Variants in CKAP5 observed in about 807,000 individuals in gnomAD.
CKAP5 encodes the protein cytoskeleton-associated protein 5.
CKAP5 carries 27 observed loss-of-function variants against 232.8 expected under a neutral mutation model. The observed-to-expected ratio is 0.12, with a 90% confidence interval of 0.09 to 0.16. The LOEUF (loss-of-function observed/expected upper bound fraction) is 0.16. CKAP5 is among the 10% of genes least tolerant of loss of function. CKAP5 has a pLI of 1.00. For missense variants in CKAP5, 1,838 were observed against 2,424.7 expected, an observed-to-expected ratio of 0.76 and a Z score of 5.08; for synonymous variants, 785 against 841.1, an observed-to-expected ratio of 0.93 and a Z score of 1.16.
At chr11:46,744,341 C>G (rs753977378) in intron 43 of CKAP5, 76 bp from the exon 44 acceptor site, 45 of 1,612,398 alleles carry the variant, frequency 2.8e-5, no homozygotes, top group Middle Eastern at 1.6e-4. Context: ...TACAGCAAGA[C>G]TAAGCCACTT....
chr11:46,744,206 G>A lies in CKAP5; in HGVS notation c.5916C>T (p.Ala1972=). ...TGCTGTGGAGCATGTCTGTGGAAGA[G>A]GCGACAGTAGGAACTGCTGGTTTGG... ...LLSKPAVPTV[A]SSTDMLHSKL... is the part of the protein sequence containing the mutation. The change falls in exon 44 of 44, where the codon GCC becomes GCT. Residue 1972 remains alanine (A), a synonymous_variant. Coordinates refer to ENST00000529230, the MANE Select transcript of CKAP5 (RefSeq NM_001008938.4). 6.2e-7 allele frequency: 1 copy of A among 1,614,148 alleles called. No individual in the cohort carries two copies. The highest frequency in any genetic ancestry group is 8.5e-7 in the Non-Finnish European group (1 of 1,180,030).
In CKAP5 at chr11:46,790,571, G is replaced by T; in HGVS notation, c.1663C>A (p.Pro555Thr). 6.2e-7 allele frequency: 1 copy of T among 1,612,516 alleles called. No individual in the cohort carries two copies. Among genetic ancestry groups the T allele is most frequent in the Non-Finnish European group, 8.5e-7 (1 of 1,178,822 alleles). Residue 555 changes from proline to threonine, a missense_variant, in exon 14 of 44, where the codon CCA becomes ACA. Pro to Thr is a conservative substitution (Grantham distance 38). Around this residue, in one of 6 missense-constraint regions of CKAP5, gnomAD observed 767 missense variants for 954.6 expected, o/e 0.80. Transcript: ENST00000529230. ...GGTGCAGCTGGTTTCCCCTTTTTTG[G>T]TGGCCCACCAGCCTAAAAACAATTT... ...KAPAAKAGGP[P>T]KKGKPAAPGG...
At chr11:46,808,473 G>A (rs1351333015) in intron 7 of CKAP5, among the ~76,000 whole-genome samples, 1 of 152,142 alleles carries the variant, frequency 6.6e-6, no homozygotes, top group Non-Finnish European at 1.5e-5. Flanking sequence ...CCCGGGAGGC[G>A]GAGCTTGCAG....
intron 42 of CKAP5, 130 bp from the exon 43 acceptor site, chr11:46,744,707 A>G: frequency 1.2e-6 from 1 of 821,550 alleles, no homozygotes; most frequent in Non-Finnish European, 1.9e-6. Flanking sequence ...TTCCACAAGA[A>G]TCTACCTGGA....
chr11:46,745,583 G>A (rs1051130491), intron 42 of CKAP5, among the ~76,000 whole-genome samples: 7 of 152,136 alleles, frequency 4.6e-5, no homozygotes, highest in Non-Finnish European at 1.0e-4. Context: ...TTTACATGTG[G>A]CATACTGTTG....
chr11:46,846,035 G>C lies in CKAP5; in HGVS notation c.-38+185C>G, dbSNP rs1481805152. Among the ~76,000 whole-genome samples, 4 of 151,476 alleles carry C rather than the reference G, an allele frequency of 2.6e-5. No homozygotes were observed. The East Asian group carries it at 7.8e-4, about 30-fold the overall frequency. On this transcript the variant is annotated intron_variant, in intron 1 of 43. Transcript: ENST00000529230. ...GCCGCACACGAGCGCCCACGCCCCC[G>C]GCCCTGCCCGCCGCAGGTCCCCCGG...
intron 33 of CKAP5, among the ~76,000 whole-genome samples, chr11:46,760,114 T>C (rs551428745): frequency 6.6e-6 from 1 of 152,320 alleles, no homozygotes; most frequent in South Asian, 2.1e-4. Flanking sequence ...TAATTAGCCT[T>C]ATCTCAAGAA....
At chr11:46,746,018 C>CA (rs1218517737) in intron 42 of CKAP5, among the ~76,000 whole-genome samples, 2 of 151,920 alleles carry the variant, frequency 1.3e-5, no homozygotes, top group Admixed American at 6.6e-5. Context: ...GTGTCAAAAA[C>CA]AAAAAAGAAC....
intron 1 of CKAP5, among the ~76,000 whole-genome samples, chr11:46,837,082 G>A (rs368394547): frequency 6.6e-6 from 1 of 152,190 alleles, no homozygotes; most frequent in Non-Finnish European, 1.5e-5. Context: ...AAAAGGAACT[G>A]CACAGAAGTA....
intron 42 of CKAP5, 130 bp downstream of exon 42, chr11:46,750,144 A>C: frequency 1.2e-6 from 1 of 824,336 alleles, no homozygotes; most frequent in Non-Finnish European, 1.9e-6. Context: ...GGATATAGCA[A>C]TGGGAAGGCC....
rs952694008 is a variant in CKAP5, at chr11:46,784,479, G to A, written c.2154+9C>T. 1.9e-6 allele frequency: 3 copies of A among 1,600,622 alleles called. No individual in the cohort carries two copies. In the African/African-American group the frequency reaches 4.0e-5, roughly 21 times the overall value. ...AAAACTAGAGGAATAAGACTTCTGT[G>A]TCACTAACCTGTTCAGCAGTCCATG... is the stretch of plus-strand genomic sequence containing the variant. On this transcript the variant is annotated intron_variant, in intron 17 of 43. Transcript: ENST00000529230.
chr11:46,770,889 C>T lies in CKAP5; in HGVS notation c.3085G>A (p.Asp1029Asn). Reference protein sequence around the residue: ...CVPHLYSCLEDRNGDVRKKAQ... With the variant: ...CVPHLYSCLENRNGDVRKKAQ... ...TTCTTTCGCACATCTCCATTTCGATCTTCTAGGCAGGAGTAGAGATGAGGA... is the reference window on the plus strand; with the variant it reads ...TTCTTTCGCACATCTCCATTTCGATTTTCTAGGCAGGAGTAGAGATGAGGA... Residue 1029 changes from aspartate to asparagine, a missense_variant, in exon 25 of 44, where the codon GAT becomes AAT. Around this residue, in one of 6 missense-constraint regions of CKAP5, gnomAD observed 767 missense variants for 954.6 expected, o/e 0.80. Coordinates refer to ENST00000529230, the MANE Select transcript of CKAP5 (RefSeq NM_001008938.4). The T allele has an allele frequency of 6.2e-7, 1 of 1,614,138 alleles. No homozygotes were observed. Among genetic ancestry groups the T allele is most frequent in the African/African-American group, 1.3e-5 (1 of 75,030 alleles).
chr11:46,743,761 T>C lies in CKAP5; in HGVS notation c.*262A>G, dbSNP rs749188453. ...AAAGAAAAGAAAAGGATCTGGGAAC[T>C]AGACTGAGCAGAGAGGGGGCAGCTG... is the stretch of plus-strand genomic sequence containing the variant. On this transcript the variant is annotated 3_prime_UTR_variant, in exon 44 of 44. Transcript: ENST00000529230. The C allele has an allele frequency of 2.8e-5, 13 of 465,518 alleles. No individual in the cohort carries two copies. The highest frequency in any genetic ancestry group is 5.1e-5 in the Non-Finnish European group (13 of 257,378). The allele number at this position is 465,518 out of a possible 1,614,324, so 28.8% of individuals were successfully genotyped here.
intron 1 of CKAP5, among the ~76,000 whole-genome samples, chr11:46,838,735 A>C (rs1335741978): frequency 1.5e-5 from 2 of 135,684 alleles, no homozygotes. Flanking sequence ...TGAAGGTTGC[A>C]GTAAGCAGAG....
intron 8 of CKAP5, 129 bp from the exon 9 acceptor site, chr11:46,801,433 G>A: frequency 3.2e-6 from 2 of 624,778 alleles, no homozygotes; most frequent in South Asian, 1.7e-5. Flanking sequence ...ACTTTGGGAG[G>A]CCAAGGTGGG....
intron 28 of CKAP5, 85 bp from the exon 29 acceptor site, chr11:46,763,715 C>T (rs1790653799): frequency 1.2e-6 from 1 of 837,810 alleles, no homozygotes; most frequent in Non-Finnish European, 1.7e-6. Flanking sequence ...GCTGCAGGAA[C>T]AATAAAATAT....
At chr11:46,840,452 C>G (rs564460878) in intron 1 of CKAP5, among the ~76,000 whole-genome samples, 20 of 152,252 alleles carry the variant, frequency 1.3e-4, no homozygotes, top group Middle Eastern at 6.8e-3. Context: ...CATAAGAGAG[C>G]CTGGCTTTAC....
chr11:46,809,612 T>C (rs1939231971), intron 6 of CKAP5, 112 bp from the exon 7 acceptor site: 1 of 1,333,918 alleles, frequency 7.5e-7, no homozygotes, highest in African/African-American at 1.5e-5. Flanking sequence ...GGACCAGAGT[T>C]ATTAAAGCTA....
chr11:46,776,220 A>G (rs777050901), intron 24 of CKAP5, 35 bp downstream of exon 24: 2 of 1,599,142 alleles, frequency 1.3e-6, no homozygotes, highest in African/African-American at 1.3e-5. Context: ...AGTAAATGAC[A>G]TGAGTAATGC....
Sources: gnomAD v4.1 joint callset for allele counts (sites outside exome capture counted in the v4.1 genomes callset) on GRCh38, gnomAD v4.1.1 for gene constraint, gnomAD v4.1.1 regional missense constraint, MANE v1.5 for transcripts, NCBI Gene and HGNC (gene_info 2026-07-23, HGNC 2026-07-21) for gene names.